GREM2: variants seen among roughly 807,000 people sequenced by gnomAD.
The protein encoded by GREM2 is gremlin 2, DAN family BMP antagonist, also known as gremlin-2.
Under a neutral mutation model 14.2 loss-of-function variants are expected in GREM2, and 11 were observed. The ratio of observed to expected loss-of-function variants is 0.78; its 90% CI spans 0.49 to 1.28. The LOEUF is 1.28. Ranked by LOEUF, GREM2 falls within the 50% of genes most tolerant of loss-of-function variation. The pLI is 0.00. For synonymous variants in GREM2, 98 were observed against 97.6 expected, an observed-to-expected ratio of 1.00 and a Z score of -0.02; for missense variants, 210 against 218.5, an observed-to-expected ratio of 0.96 and a Z score of 0.24.
At chr1:240,570,879 T>C (rs1679247700) in intron 1 of GREM2, among the ~76,000 whole-genome samples, 1 of 152,212 alleles carries the variant, frequency 6.6e-6, no homozygotes, top group Non-Finnish European at 1.5e-5. Flanking sequence ...TGTACTGAGC[T>C]TAGTGCTGCT....
At chr1:240,536,530 C>T (rs1221622504) in intron 1 of GREM2, among the ~76,000 whole-genome samples, 1 of 152,162 alleles carries the variant, frequency 6.6e-6, no homozygotes, top group Non-Finnish European at 1.5e-5. Context: ...AATTGTTCCT[C>T]GGATGGGGAA....
intron 1 of GREM2, among the ~76,000 whole-genome samples, chr1:240,519,033 T>G (rs1369885843): frequency 6.6e-6 from 1 of 152,142 alleles, no homozygotes; most frequent in Non-Finnish European, 1.5e-5. Context: ...TACATACATA[T>G]TAGGCTAAAA....
At chr1:240,582,942 C>A (rs73113797) in intron 1 of GREM2, among the ~76,000 whole-genome samples, 3,220 of 152,246 alleles carry the variant, frequency 0.021, 81 homozygotes, top group African/African-American at 0.056. Context: ...TTTCTGGATT[C>A]CATGGCTGAT....
chr1:240,496,594 T>C (rs1677423202), intron 1 of GREM2, among the ~76,000 whole-genome samples: 1 of 152,196 alleles, frequency 6.6e-6, no homozygotes, highest in African/African-American at 2.4e-5. Context: ...ATAATCACAC[T>C]TGTCTTTCTT....
At chr1:240,562,926 G>C (rs751913536) in intron 1 of GREM2, among the ~76,000 whole-genome samples, 3 of 149,010 alleles carry the variant, frequency 2.0e-5, no homozygotes, top group Non-Finnish European at 3.0e-5. Flanking sequence ...GAGTGTATGT[G>C]TATGTGTGTG....
intron 1 of GREM2, among the ~76,000 whole-genome samples, chr1:240,559,919 G>A (rs1234984973): frequency 6.6e-6 from 1 of 152,100 alleles, no homozygotes; most frequent in Non-Finnish European, 1.5e-5. Flanking sequence ...TGGCACAGGC[G>A]CCTTTATCTT....
At position 240,604,021 on chromosome 1, in the gene GREM2, C is replaced by A. The variant is rs765324605; in HGVS notation, c.-2+7863G>T. Among the ~76,000 whole-genome samples, 3 of 150,880 alleles carry A rather than the reference C, an allele frequency of 2.0e-5. 1 individual carries two copies. The South Asian group carries it at 6.3e-4, about 32-fold the overall frequency. On this transcript the variant is annotated intron_variant, in intron 1 of 1. Transcript: ENST00000318160. ...GGCCTTAACAGGCTTCCACTCACGG[C>A]GAGGGGTTAAGGGGAGGCAGGGGTG...
At position 240,531,754 on chromosome 1, in the gene GREM2, A is replaced by T. The variant is rs190019537; in HGVS notation, c.-1-38278T>A. 1,518 of 876,076 alleles carry T rather than the reference A, an allele frequency of 1.7e-3. 20 individuals are homozygous for T. The African/African-American group carries it at 0.026, about 15-fold the overall frequency. The allele number at this position is 876,076 out of a possible 1,614,324, so 54.3% of individuals were successfully genotyped here. On this transcript the variant is annotated intron_variant, in intron 1 of 1. Transcript: ENST00000318160. ...AGACAGTTTTGCTCTTGTTGCCCAGACTGGAGAGCAATGGCGTGATCTCGG... is the reference window on the plus strand; with the variant it reads ...AGACAGTTTTGCTCTTGTTGCCCAGTCTGGAGAGCAATGGCGTGATCTCGG...
chr1:240,526,623 C>A (rs1678227914), intron 1 of GREM2, among the ~76,000 whole-genome samples: 1 of 152,292 alleles, frequency 6.6e-6, no homozygotes, highest in South Asian at 2.1e-4. Context: ...ACTGATCTCC[C>A]AGGCACTCTC....
At chr1:240,584,583 G>A (rs141377469) in intron 1 of GREM2, among the ~76,000 whole-genome samples, 77 of 151,882 alleles carry the variant, frequency 5.1e-4, no homozygotes, top group Non-Finnish European at 9.3e-4. Flanking sequence ...GTGCACCTGT[G>A]GTCCTAGCCC....
At chr1:240,545,295 T>G (rs2103330733) in intron 1 of GREM2, among the ~76,000 whole-genome samples, 1 of 152,326 alleles carries the variant, frequency 6.6e-6, no homozygotes, top group East Asian at 1.9e-4. Flanking sequence ...GGCTTTCGGA[T>G]AGTTGGACAT....
At chr1:240,501,866 C>T (rs1391308725) in intron 1 of GREM2, among the ~76,000 whole-genome samples, 1 of 151,894 alleles carries the variant, frequency 6.6e-6, no homozygotes, top group African/African-American at 2.4e-5. Flanking sequence ...ACCCTCCGAG[C>T]AAAAAGGACC....
chr1:240,585,534 A>G (rs1679580255), intron 1 of GREM2, among the ~76,000 whole-genome samples: 3 of 152,026 alleles, frequency 2.0e-5, no homozygotes, highest in Non-Finnish European at 4.4e-5. Flanking sequence ...GTTCGAGACC[A>G]GCTTGGCCAA....
chr1:240,522,448 C>T (rs1330490153), intron 1 of GREM2, among the ~76,000 whole-genome samples: 1 of 152,104 alleles, frequency 6.6e-6, no homozygotes, highest in East Asian at 1.9e-4. Flanking sequence ...TTACCACCAA[C>T]ATCTAGTGGT....
At chr1:240,541,565 A>G (rs1382260346) in intron 1 of GREM2, among the ~76,000 whole-genome samples, 3 of 151,558 alleles carry the variant, frequency 2.0e-5, no homozygotes, top group East Asian at 1.9e-4. Flanking sequence ...TTTTGTGTCA[A>G]TTATGTTTCC....
chr1:240,599,530 G>T (rs1169820620), intron 1 of GREM2, among the ~76,000 whole-genome samples: 1 of 152,152 alleles, frequency 6.6e-6, no homozygotes, highest in Non-Finnish European at 1.5e-5. Context: ...CCCTGAATCC[G>T]GTCCAGAGGC....
At chr1:240,507,574 A>C (rs12138707) in intron 1 of GREM2, among the ~76,000 whole-genome samples, 35,914 of 151,850 alleles carry the variant, frequency 0.24, 4,504 homozygotes, top group Non-Finnish European at 0.27. Flanking sequence ...CTCAAGTGAT[A>C]CGCCCACCTT....
chr1:240,584,978 C>T (rs1679561549), intron 1 of GREM2, among the ~76,000 whole-genome samples: 1 of 151,946 alleles, frequency 6.6e-6, no homozygotes, highest in Admixed American at 6.6e-5. Flanking sequence ...TTGTAGTTTC[C>T]CTTCCATTTG....
At chr1:240,609,417 T>C (rs971884911) in intron 1 of GREM2, among the ~76,000 whole-genome samples, 3 of 152,014 alleles carry the variant, frequency 2.0e-5, no homozygotes, top group Non-Finnish European at 2.9e-5. Context: ...ATTCTAGACA[T>C]TATTAGGCCT....
Sources: allele counts gnomAD v4.1 joint callset (sites outside exome capture counted in the v4.1 genomes callset), GRCh38; gene constraint gnomAD v4.1.1; transcripts MANE v1.5; gene names NCBI Gene and HGNC (gene_info 2026-07-23, HGNC 2026-07-21).